Variants in LAMA2 observed in about 807,000 individuals in gnomAD.
LAMA2 encodes laminin subunit alpha 2, also known as laminin subunit alpha-2.
LAMA2 carries 269 observed loss-of-function variants against 364.8 expected under a neutral mutation model. The ratio of observed to expected loss-of-function variants is 0.74; its 90% CI spans 0.67 to 0.82. The LOEUF (loss-of-function observed/expected upper bound fraction) is 0.82, where lower values mean the gene tolerates loss of function less well. Among genes scored for constraint, LAMA2 ranks in the 40% least tolerant of loss-of-function variants. The pLI is 0.00. For synonymous variants in LAMA2, 1,379 were observed against 1,370.6 expected, an observed-to-expected ratio of 1.01 and a Z score of -0.14; for missense variants, 3,807 against 3,873.2, an observed-to-expected ratio of 0.98 and a Z score of 0.45.
At chr6:129,396,998 A>G (rs1779687354) in intron 37 of LAMA2, among the ~76,000 whole-genome samples, 1 of 150,912 alleles carries the variant, frequency 6.6e-6, no homozygotes, top group South Asian at 2.1e-4. Flanking sequence ...TCAAAAAAAA[A>G]AAAAAAGAAA....
chr6:129,510,147 A>T (rs922342337), intron 62 of LAMA2, among the ~76,000 whole-genome samples: 4 of 152,136 alleles, frequency 2.6e-5, no homozygotes, highest in African/African-American at 9.6e-5. Flanking sequence ...GAAAAAAGTA[A>T]ACGGCATCCA....
At chr6:129,456,815 G>A (rs563529726) in intron 48 of LAMA2, among the ~76,000 whole-genome samples, 3 of 151,976 alleles carry the variant, frequency 2.0e-5, no homozygotes, top group Non-Finnish European at 2.9e-5. Flanking sequence ...CTTCTGAATC[G>A]ATTTATGATT....
At chr6:129,315,735 T>G in intron 25 of LAMA2, 27 bp from the exon 26 acceptor site, 1 of 1,612,780 alleles carries the variant, frequency 6.2e-7, no homozygotes, top group Non-Finnish European at 8.5e-7. Flanking sequence ...TTTATCCAAT[T>G]CCTCATTCTT....
At chr6:128,939,079 G>C (rs13197598) in intron 1 of LAMA2, among the ~76,000 whole-genome samples, 10,651 of 152,142 alleles carry the variant, frequency 0.07, 451 homozygotes, top group South Asian at 0.12. Context: ...CAAAGGTTCT[G>C]CAACTTTTCA....
chr6:129,467,791 T>C (rs934681264), intron 51 of LAMA2, among the ~76,000 whole-genome samples: 2 of 151,926 alleles, frequency 1.3e-5, no homozygotes, highest in African/African-American at 4.8e-5. Flanking sequence ...AGTTACAGAA[T>C]CATATAAATG....
intron 9 of LAMA2, among the ~76,000 whole-genome samples, chr6:129,171,086 T>C (rs1780115694): frequency 6.6e-6 from 1 of 152,152 alleles, no homozygotes; most frequent in South Asian, 2.1e-4. Flanking sequence ...ATGAGATGGG[T>C]TTCCTGAATA....
intron 10 of LAMA2, among the ~76,000 whole-genome samples, chr6:129,181,722 A>G (rs1780939561): frequency 6.6e-6 from 1 of 151,968 alleles, no homozygotes; most frequent in Admixed American, 6.6e-5. Flanking sequence ...AAAATTGAAC[A>G]GAAGTTTAGC....
At chr6:128,935,267 C>T (rs1272727815) in intron 1 of LAMA2, among the ~76,000 whole-genome samples, 1 of 149,796 alleles carries the variant, frequency 6.7e-6, no homozygotes, top group African/African-American at 2.5e-5. Flanking sequence ...TCCCTGTGTC[C>T]ATGTGTTCTC....
intron 22 of LAMA2, among the ~76,000 whole-genome samples, chr6:129,302,824 T>A (rs1379803266): frequency 6.6e-6 from 1 of 152,142 alleles, no homozygotes; most frequent in Non-Finnish European, 1.5e-5. Context: ...GATCTATTCT[T>A]ATGTTAATAC....
chr6:129,222,346 A>G (rs1388604246), intron 12 of LAMA2, among the ~76,000 whole-genome samples: 1 of 149,406 alleles, frequency 6.7e-6, no homozygotes, highest in African/African-American at 2.4e-5. Context: ...CCTGGTACAT[A>G]GCATTTTTTT....
chr6:129,084,621 G>T (rs1450356607), intron 3 of LAMA2, among the ~76,000 whole-genome samples: 1 of 152,102 alleles, frequency 6.6e-6, no homozygotes, highest in East Asian at 1.9e-4. Flanking sequence ...CAATGAAAAA[G>T]TCCCCTCCAT....
intron 4 of LAMA2, among the ~76,000 whole-genome samples, chr6:129,118,738 T>C (rs567555222): frequency 6.6e-6 from 1 of 152,268 alleles, no homozygotes; most frequent in East Asian, 1.9e-4. Context: ...AGTCAGAATC[T>C]CTCTAAGAAT....
chr6:129,042,121 A>G (rs1359760703), intron 1 of LAMA2, among the ~76,000 whole-genome samples: 1 of 151,920 alleles, frequency 6.6e-6, no homozygotes, highest in Non-Finnish European at 1.5e-5. Context: ...CCTGGCTGAT[A>G]TGGCAAAACC....
chr6:128,933,173 T>A (rs916399878), intron 1 of LAMA2, among the ~76,000 whole-genome samples: 10 of 152,080 alleles, frequency 6.6e-5, no homozygotes, highest in African/African-American at 2.4e-4. Context: ...AATAGCAGGA[T>A]TTCCTTCTCT....
intron 1 of LAMA2, among the ~76,000 whole-genome samples, chr6:128,953,018 T>A (rs1295711537): frequency 2.0e-5 from 3 of 152,156 alleles, no homozygotes; most frequent in African/African-American, 7.2e-5. Flanking sequence ...GCAGTTTAAA[T>A]CGGAGGAGGA....
At chr6:129,382,122 A>G (rs1325189736) in intron 34 of LAMA2, among the ~76,000 whole-genome samples, 2 of 152,326 alleles carry the variant, frequency 1.3e-5, no homozygotes, top group African/African-American at 2.4e-5. Flanking sequence ...CTAGAGTGTT[A>G]ATATGCTGCC....
chr6:128,912,988 A>C (rs1778083634), intron 1 of LAMA2, among the ~76,000 whole-genome samples: 1 of 152,204 alleles, frequency 6.6e-6, no homozygotes, highest in Admixed American at 6.5e-5. Context: ...AGGGTTGACA[A>C]ATTGGGAGAA....
At position 128,922,655 on chromosome 6, in the gene LAMA2, G is replaced by A. The variant is rs529829745; in HGVS notation, c.112+39298G>A. ...TGCGAAAATTTTCTCCCATTTTGTCGGTTGCCTGTTCACTCTGCTGGTAGT... is the reference window on the plus strand; with the variant it reads ...TGCGAAAATTTTCTCCCATTTTGTCAGTTGCCTGTTCACTCTGCTGGTAGT... On this transcript the variant is annotated intron_variant, in intron 1 of 64. Transcript: ENST00000421865. Among the ~76,000 whole-genome samples, 311 of 151,906 alleles carry A rather than the reference G, an allele frequency of 2.0e-3. 1 individual carries two copies. The highest frequency in any genetic ancestry group is 3.2e-3 in the Non-Finnish European group (220 of 67,994).
At position 129,445,746 on chromosome 6, in the gene LAMA2, A is replaced by G. The variant is rs1360915447; in HGVS notation, c.6354A>G (p.Glu2118=). ...RLIDKLKPIK[E]LEDNLKKNIS... The stretch of plus-strand genomic sequence containing the variant: ...TAGATAAACTCAAACCCATCAAGGA[A>G]CTTGAGGATAACCTAAAGAAAAACA... Residue 2118 remains glutamate, a synonymous_variant, in exon 45 of 65, where the codon GAA becomes GAG. Transcript: ENST00000421865. The G allele has an allele frequency of 6.2e-7, 1 of 1,613,248 alleles. No homozygotes were observed. The highest frequency in any genetic ancestry group is 8.5e-7 in the Non-Finnish European group (1 of 1,179,260).
Sources: gnomAD v4.1 joint callset for allele counts (sites outside exome capture counted in the v4.1 genomes callset) on GRCh38, gnomAD v4.1.1 for gene constraint, MANE v1.5 for transcripts, NCBI Gene and HGNC (gene_info 2026-07-23, HGNC 2026-07-21) for gene names.